Variants in IQGAP1 observed in about 807,000 individuals in gnomAD.
IQGAP1 encodes ras GTPase-activating-like protein IQGAP1.
Under a neutral mutation model 215.6 loss-of-function variants are expected in IQGAP1, and 66 were observed. The observed-to-expected ratio is 0.31, with a 90% CI of 0.25 to 0.38. The LOEUF (loss-of-function observed/expected upper bound fraction) is 0.38. Among genes scored for constraint, IQGAP1 ranks in the 10% least tolerant of loss-of-function variants. IQGAP1 has a pLI of 1.00. For synonymous variants in IQGAP1, 772 were observed against 728.7 expected, an observed-to-expected ratio of 1.06 and a Z score of -0.96; for missense variants, 1,712 against 1,997.1, an observed-to-expected ratio of 0.86 and a Z score of 2.72.
chr15:90,466,305 A>G lies in IQGAP1; in HGVS notation c.1904A>G (p.Glu635Gly), dbSNP rs755347872. ...LGIFAINEAV[E>G]SGDVGKTLSA... ...ATCTTTGCCATTAATGAGGCAGTAG[A>G]AAGTGGTGATGTTGGCAAAACACTG... The change falls in exon 17 of 38, where the codon GAA (glutamate) becomes GGA (glycine). Residue 635 changes from glutamate (E) to glycine (G), a missense_variant. Around this residue, in one of 2 missense-constraint regions of IQGAP1, gnomAD observed 1,021 missense variants for 1,074.2 expected, o/e 0.95. Coordinates refer to ENST00000268182, the MANE Select transcript of IQGAP1 (RefSeq NM_003870.4). The G allele has an allele frequency of 3.1e-6, 5 of 1,614,060 alleles. No individual in the cohort carries two copies. Among genetic ancestry groups the G allele is most frequent in the Non-Finnish European group, 4.2e-6 (5 of 1,180,030 alleles).
At chr15:90,462,818 C>T (rs576571648) in intron 15 of IQGAP1, among the ~76,000 whole-genome samples, 2 of 152,204 alleles carry the variant, frequency 1.3e-5, no homozygotes, top group Admixed American at 1.3e-4. Flanking sequence ...ATGCAATCAG[C>T]GTGTTTCTAA....
Position 90,491,392 on chromosome 15 carries a change from CAA to C in IQGAP1, c.4309_4310del (p.Lys1437AspfsTer79). ...CTATCCGTGATGCCAAAACACCTGA[CAA>C]GATGAAAAAGTCAAAATCTGTAAAG... ...RAIRDAKTPDKMKKSKSVKED... is the reference protein window; with the variant it reads ...RAIRDAKTPDXMKKSKSVKED... On this transcript the variant is annotated frameshift_variant, in exon 34 of 38. Coordinates refer to ENST00000268182, the MANE Select transcript of IQGAP1 (RefSeq NM_003870.4). LOFTEE classifies it high-confidence loss of function. 6.2e-7 allele frequency: 1 copy of C among 1,614,040 alleles called. No homozygotes were observed. The highest frequency in any genetic ancestry group is 8.5e-7 in the Non-Finnish European group (1 of 1,180,016).
chr15:90,423,001 A>G (rs1965169992), intron 2 of IQGAP1, among the ~76,000 whole-genome samples: 1 of 150,898 alleles, frequency 6.6e-6, no homozygotes, highest in Non-Finnish European at 1.5e-5. Context: ...GGCCATTTTT[A>G]GATATATATT....
At chr15:90,477,606 G>T in intron 25 of IQGAP1, 59 bp from the exon 26 acceptor site, 3 of 1,193,974 alleles carry the variant, frequency 2.5e-6, no homozygotes, top group Non-Finnish European at 3.7e-6. Flanking sequence ...TAAGCAGGAA[G>T]GATCTTTTAA....
At chr15:90,464,809 G>A (rs548751435) in intron 15 of IQGAP1, among the ~76,000 whole-genome samples, 13 of 151,188 alleles carry the variant, frequency 8.6e-5, no homozygotes, top group African/African-American at 2.7e-4. Flanking sequence ...CCGAGATCAC[G>A]CCACTGCACT....
At chr15:90,390,910 G>A (rs1964626490) in intron 2 of IQGAP1, 37 bp downstream of exon 2, 1 of 1,209,942 alleles carries the variant, frequency 8.3e-7, no homozygotes, top group Non-Finnish European at 1.2e-6. Flanking sequence ...ATTAAGAGAA[G>A]GGAACTGATA....
chr15:90,390,888 G>C lies in IQGAP1; in HGVS notation c.155+15G>C. The stretch of plus-strand genomic sequence containing the variant: ...GAAGCGAAGAGGTAAAGATTGGCTG[G>C]CTGGAGAGAAGATTAAGAGAAGGGA... On this transcript the variant is annotated intron_variant, in intron 2 of 37. Transcript: ENST00000268182. 6.7e-7 allele frequency: 1 copy of C among 1,484,876 alleles called. No homozygotes were observed. 92.0% of individuals were successfully genotyped at this position (1,484,876 alleles called of 1,614,324 possible).
intron 2 of IQGAP1, among the ~76,000 whole-genome samples, chr15:90,421,172 C>T (rs1490552631): frequency 6.7e-6 from 1 of 149,522 alleles, no homozygotes; most frequent in Admixed American, 6.7e-5. Flanking sequence ...CTTCATAAAG[C>T]TAAATTTATA....
chr15:90,443,557 C>A, intron 9 of IQGAP1, 79 bp downstream of exon 9: 1 of 809,296 alleles, frequency 1.2e-6, no homozygotes, highest in South Asian at 1.8e-5. Context: ...GGACTTACAA[C>A]ATAGTTTGAT....
intron 31 of IQGAP1, chr15:90,486,404 C>T (rs1229806084): frequency 7.3e-6 from 2 of 273,288 alleles, no homozygotes; most frequent in Non-Finnish European, 1.4e-5. Context: ...AAAAAAATTG[C>T]AGATACATAA....
At chr15:90,405,144 C>T (rs1964859836) in intron 2 of IQGAP1, among the ~76,000 whole-genome samples, 2 of 152,044 alleles carry the variant, frequency 1.3e-5, no homozygotes, top group Non-Finnish European at 2.9e-5. Flanking sequence ...ACTTTTGAAT[C>T]GTATTTTACA....
chr15:90,405,742 G>GTTTT (rs34327123), intron 2 of IQGAP1, among the ~76,000 whole-genome samples: 1 of 142,446 alleles, frequency 7.0e-6, no homozygotes. Context: ...AGTGTTCCAG[G>GTTTT]TTTTTTTTTT....
In IQGAP1 at chr15:90,457,536, C is replaced by T. The variant is rs144153029; in HGVS notation, c.1776+1221C>T. On this transcript the variant is annotated intron_variant, in intron 15 of 37. Coordinates refer to ENST00000268182, the MANE Select transcript of IQGAP1 (RefSeq NM_003870.4). The stretch of plus-strand genomic sequence containing the variant: ...CTGCCTCCCAGGTTCAAGCAATTCT[C>T]CTGCCTCTGCCTCCCCAGTACCTAG... 7.3e-3 allele frequency among the ~76,000 whole-genome samples: 1,116 copies of T among 151,914 alleles called. 10 individuals carry two copies. Among genetic ancestry groups the T allele is most frequent in the African/African-American group, 0.026 (1,065 of 41,402 alleles).
intron 37 of IQGAP1, among the ~76,000 whole-genome samples, chr15:90,497,682 T>C (rs1233653412): frequency 6.6e-6 from 1 of 152,342 alleles, no homozygotes; most frequent in South Asian, 2.1e-4. Flanking sequence ...GAAATCTTTT[T>C]GTCATTTTGA....
At chr15:90,399,696 G>T (rs1459868782) in intron 2 of IQGAP1, among the ~76,000 whole-genome samples, 1 of 152,062 alleles carries the variant, frequency 6.6e-6, no homozygotes, top group African/African-American at 2.4e-5. Flanking sequence ...TGTAGAGATG[G>T]GGTCTTGTAA....
intron 2 of IQGAP1, 110 bp from the exon 3 acceptor site, chr15:90,426,000 T>C: frequency 2.0e-6 from 2 of 997,794 alleles, no homozygotes; most frequent in East Asian, 2.8e-5. Context: ...AAGAGTGCTA[T>C]TATGTTCAGT....
At chr15:90,441,380 T>G in intron 7 of IQGAP1, 126 bp from the exon 8 acceptor site, 2 of 796,578 alleles carry the variant, frequency 2.5e-6, no homozygotes, top group Non-Finnish European at 3.9e-6. Flanking sequence ...CAGTTGTTAT[T>G]TCTCTGTGAA....
intron 36 of IQGAP1, 87 bp downstream of exon 36, chr15:90,494,922 G>T: frequency 2.2e-6 from 2 of 930,198 alleles, no homozygotes; most frequent in East Asian, 2.6e-5. Flanking sequence ...TCTCTTTTCT[G>T]GATGGTTACT....
chr15:90,456,087 A>G (rs1965675390), intron 14 of IQGAP1, 65 bp from the exon 15 acceptor site: 7 of 1,384,720 alleles, frequency 5.1e-6, no homozygotes, highest in East Asian at 2.3e-5. Flanking sequence ...AGCATGTTCC[A>G]TGATTGATTT....
Sources: allele counts gnomAD v4.1 joint callset (sites outside exome capture counted in the v4.1 genomes callset), GRCh38; gene constraint gnomAD v4.1.1; regional missense constraint gnomAD v4.1.1; transcripts MANE v1.5; gene names NCBI Gene and HGNC (gene_info 2026-07-23, HGNC 2026-07-21).